TTC28: variants seen among roughly 807,000 people sequenced by gnomAD.
The protein encoded by TTC28 is tetratricopeptide repeat domain 28, also known as tetratricopeptide repeat protein 28.
TTC28 carries 61 observed loss-of-function variants against 198.0 expected under a neutral mutation model. That is an observed-to-expected ratio of 0.31 (90% CI 0.25 to 0.38). The LOEUF (loss-of-function observed/expected upper bound fraction) is 0.38, where lower values mean the gene tolerates loss of function less well. Ranked by LOEUF, TTC28 falls within the 10% of genes least tolerant of loss-of-function variation. The probability of loss-of-function intolerance (pLI) is 1.00; values close to 1 mark genes in which losing one functional copy is unlikely to be tolerated. For missense variants in TTC28, 2,678 were observed against 3,164.0 expected (o/e 0.85, Z 3.69); for synonymous variants, 1,171 against 1,297.8 (o/e 0.90, Z 2.10).
chr22:28,221,364 T>C (rs1232203167), intron 5 of TTC28, among the ~76,000 whole-genome samples: 7 of 152,130 alleles, frequency 4.6e-5, no homozygotes, highest in African/African-American at 1.7e-4. Context: ...CAAGACTAAT[T>C]CTAAATTCCA....
In TTC28 at chr22:28,391,033, C is replaced by A. The variant is rs532851571; in HGVS notation, c.382-84390G>T. Among the ~76,000 whole-genome samples, 43 of 152,184 alleles carry A rather than the reference C, an allele frequency of 2.8e-4. No homozygotes were observed. In the East Asian group the frequency reaches 8.1e-3, roughly 29 times the overall value. ...CCTTCAGGAGCTCTTTTAGGGCAGG[C>A]CTGGTGGTGACAAAATCTCTCAGCA... On this transcript the variant is annotated intron_variant, in intron 2 of 22. Transcript: ENST00000397906.
chr22:28,612,972 T>C (rs937309769), intron 2 of TTC28, among the ~76,000 whole-genome samples: 1 of 151,330 alleles, frequency 6.6e-6, no homozygotes, highest in Non-Finnish European at 1.5e-5. Context: ...AGACAAGAAA[T>C]AACTAAGATC....
chr22:28,064,259 G>A (rs935265435), intron 12 of TTC28, among the ~76,000 whole-genome samples: 1 of 152,160 alleles, frequency 6.6e-6, no homozygotes, highest in African/African-American at 2.4e-5. Flanking sequence ...AGAACTCCAT[G>A]TCTGTGGGTT....
Position 28,365,593 on chromosome 22 carries a change from G to A in TTC28, c.382-58950C>T, listed in dbSNP as rs1298173860. Among the ~76,000 whole-genome samples the A allele has an allele frequency of 3.9e-5, 6 of 152,172 alleles. 1 individual carries two copies. The highest frequency in any genetic ancestry group is 2.1e-4 in the South Asian group (1 of 4,826). ...TTAGTGCTAATGGGCTCAGGGCCCC[G>A]GTTTAGAGGCTGTTTCTGCAAATGC... On this transcript the variant is annotated intron_variant, in intron 2 of 22. Transcript: ENST00000397906.
rs1421334533 is a variant in TTC28, at chr22:28,492,331, T to C, written c.381+137221A>G. On this transcript the variant is annotated intron_variant, in intron 2 of 22. Coordinates refer to ENST00000397906, the MANE Select transcript of TTC28 (RefSeq NM_001145418.2). ...AAGAGAAAGAAAATAGCTTAATAGA[T>C]GCTCTGAAGAAAGTGAAATCAAGAG... Among the ~76,000 whole-genome samples the C allele has an allele frequency of 2.6e-5, 4 of 152,298 alleles. No homozygotes were observed. The East Asian group carries it at 7.7e-4, about 29-fold the overall frequency.
intron 2 of TTC28, among the ~76,000 whole-genome samples, chr22:28,504,543 C>T (rs2048579107): frequency 6.6e-6 from 1 of 152,142 alleles, no homozygotes; most frequent in Admixed American, 6.5e-5. Flanking sequence ...CCTAGAAAGA[C>T]AGCTGTTTGA....
Position 28,593,559 on chromosome 22 carries a change from TTGAC to T in TTC28, c.381+35989_381+35992del, listed in dbSNP as rs542837772. Among the ~76,000 whole-genome samples, 307 of 148,070 alleles carry T rather than the reference TTGAC, an allele frequency of 2.1e-3. 3 individuals carry two copies. The highest frequency in any genetic ancestry group is 7.1e-3 in the African/African-American group (266 of 37,624). On this transcript the variant is annotated intron_variant, in intron 2 of 22. Transcript: ENST00000397906. Reference sequence around the variant, plus strand: ...TCAATCGATAGATGAAGAGTTTAGATTGACTGATTGGTTTATATGTTCATCAAAT... The same window carrying T: ...TCAATCGATAGATGAAGAGTTTAGATTGATTGGTTTATATGTTCATCAAAT...
At chr22:28,408,436 G>A (rs757665570) in intron 2 of TTC28, among the ~76,000 whole-genome samples, 93 of 151,910 alleles carry the variant, frequency 6.1e-4, no homozygotes, top group Non-Finnish European at 1.1e-3. Flanking sequence ...TGTCACCCAG[G>A]CTGGAGTGCA....
At chr22:28,413,206 C>T (rs1421571827) in intron 2 of TTC28, among the ~76,000 whole-genome samples, 2 of 151,944 alleles carry the variant, frequency 1.3e-5, no homozygotes, top group Non-Finnish European at 2.9e-5. Context: ...GAGGCCAAGG[C>T]GGGCGGATGA....
At chr22:28,414,133 C>A (rs900660504) in intron 2 of TTC28, among the ~76,000 whole-genome samples, 2 of 152,178 alleles carry the variant, frequency 1.3e-5, no homozygotes, top group Non-Finnish European at 2.9e-5. Context: ...TGAAATAAGT[C>A]TTCATTTCTC....
intron 5 of TTC28, among the ~76,000 whole-genome samples, chr22:28,167,647 A>C (rs1292249387): frequency 1.3e-5 from 2 of 152,242 alleles, no homozygotes; most frequent in Non-Finnish European, 2.9e-5. Context: ...CTCTCTATAA[A>C]TTAGGTACTG....
intron 2 of TTC28, among the ~76,000 whole-genome samples, chr22:28,360,713 T>G (rs1032193894): frequency 4.6e-5 from 7 of 152,196 alleles, no homozygotes; most frequent in Non-Finnish European, 1.5e-5. Flanking sequence ...ATAGGCATAC[T>G]TTGTTTTACT....
chr22:28,619,297 T>C (rs1000194182), intron 2 of TTC28, among the ~76,000 whole-genome samples: 8 of 152,206 alleles, frequency 5.3e-5, no homozygotes, highest in Non-Finnish European at 8.8e-5. Flanking sequence ...CACTTCAAGA[T>C]ATGTAATGTT....
intron 2 of TTC28, among the ~76,000 whole-genome samples, chr22:28,573,175 G>C: frequency 6.7e-6 from 1 of 148,586 alleles, no homozygotes; most frequent in Non-Finnish European, 1.5e-5. Context: ...AACAGAAACA[G>C]GCCAGGCGTG....
chr22:28,072,014 T>C (rs1941001391), intron 12 of TTC28, among the ~76,000 whole-genome samples: 1 of 152,200 alleles, frequency 6.6e-6, no homozygotes, highest in Non-Finnish European at 1.5e-5. Context: ...GAGATGTGGA[T>C]GTTAGCTCAA....
chr22:28,271,381 G>T (rs1932060808), intron 5 of TTC28, among the ~76,000 whole-genome samples: 1 of 152,150 alleles, frequency 6.6e-6, no homozygotes, highest in Non-Finnish European at 1.5e-5. Flanking sequence ...CACTATAGAT[G>T]AACATAATCT....
chr22:28,463,144 G>A (rs960974696), intron 2 of TTC28, among the ~76,000 whole-genome samples: 7 of 152,190 alleles, frequency 4.6e-5, no homozygotes, highest in South Asian at 2.1e-4. Flanking sequence ...CACTTGATGC[G>A]GATGCTGAAA....
intron 2 of TTC28, among the ~76,000 whole-genome samples, chr22:28,450,938 GGC>G (rs1251485464): frequency 2.0e-5 from 3 of 152,126 alleles, no homozygotes; most frequent in Non-Finnish European, 4.4e-5. Context: ...CAGACTACAG[GGC>G]AGGAAAGGGA....
chr22:27,998,979 G>C lies in TTC28; in HGVS notation c.4680C>G (p.Pro1560=). ...SWKLSALVLT[P]SMDGNPASSK... ...TGCTGGCAGGGTTGCCGTCCATGCT[G>C]GGCGTGAGGACCAAGGCCGACAGCT... The change falls in exon 16 of 23, where the codon CCC becomes CCG. Residue 1560 remains proline, a synonymous_variant. Coordinates refer to ENST00000397906, the MANE Select transcript of TTC28 (RefSeq NM_001145418.2). 6.4e-7 allele frequency: 1 copy of C among 1,550,656 alleles called. No homozygotes were observed. The highest frequency in any genetic ancestry group is 8.7e-7 in the Non-Finnish European group (1 of 1,146,980).
Sources: gnomAD v4.1 joint callset for allele counts (sites outside exome capture counted in the v4.1 genomes callset) on GRCh38, gnomAD v4.1.1 for gene constraint, MANE v1.5 for transcripts, NCBI Gene and HGNC (gene_info 2026-07-23, HGNC 2026-07-21) for gene names.